KIF26B: variants seen among roughly 807,000 people sequenced by gnomAD.
The protein encoded by KIF26B is kinesin-like protein KIF26B.
KIF26B carries 63 observed loss-of-function variants against 151.2 expected under a neutral mutation model. The observed-to-expected ratio is 0.42, with a 90% CI of 0.34 to 0.51. The LOEUF (loss-of-function observed/expected upper bound fraction) is 0.51. Among genes scored for constraint, KIF26B ranks in the 20% least tolerant of loss-of-function variants. The pLI is 0.07. For synonymous variants in KIF26B, 1,357 were observed against 1,262.1 expected, an observed-to-expected ratio of 1.08 and a Z score of -1.59; for missense variants, 2,813 against 2,913.6, an observed-to-expected ratio of 0.97 and a Z score of 0.79.
chr1:245,612,604 T>C (rs2043539770), intron 9 of KIF26B, among the ~76,000 whole-genome samples: 1 of 152,188 alleles, frequency 6.6e-6, no homozygotes, highest in Non-Finnish European at 1.5e-5. Flanking sequence ...CCTGACAGTA[T>C]CTTTTTGTTC....
At chr1:245,662,226 T>C (rs1024440448) in intron 10 of KIF26B, among the ~76,000 whole-genome samples, 1 of 150,096 alleles carries the variant, frequency 6.7e-6, no homozygotes, top group Non-Finnish European at 1.5e-5. Flanking sequence ...ACACACTATA[T>C]AGATACACCC....
At chr1:245,357,477 G>A (rs753527163) in intron 2 of KIF26B, among the ~76,000 whole-genome samples, 23 of 152,180 alleles carry the variant, frequency 1.5e-4, no homozygotes, top group Admixed American at 1.4e-3. Context: ...GCGGAAGAGC[G>A]GGGCCTTAGG....
At chr1:245,452,533 G>A (rs923352880) in intron 4 of KIF26B, among the ~76,000 whole-genome samples, 7 of 152,098 alleles carry the variant, frequency 4.6e-5, no homozygotes, top group African/African-American at 9.6e-5. Context: ...TTTCCACAGC[G>A]GCTGCCCATT....
rs191482775 is a variant in KIF26B, at chr1:245,563,926, T to A, written c.1350+22976T>A. 3.9e-5 allele frequency among the ~76,000 whole-genome samples: 6 copies of A among 152,300 alleles called. No homozygotes were observed. Among genetic ancestry groups the A allele is most frequent in the Admixed American group, 2.6e-4 (4 of 15,296 alleles). ...CACTACAGGTTCCTTTTTCTCTCCC[T>A]GTCCGTGCATCCATCTGTTTCTGCA... On this transcript the variant is annotated intron_variant, in intron 5 of 14. Coordinates refer to ENST00000407071, the MANE Select transcript of KIF26B (RefSeq NM_018012.4). The surrounding 1 kb of genome is among the most constrained non-coding windows in gnomAD (Gnocchi z 4.6).
intron 10 of KIF26B, among the ~76,000 whole-genome samples, chr1:245,653,078 T>C (rs1321139550): frequency 1.3e-5 from 2 of 151,802 alleles, no homozygotes; most frequent in Non-Finnish European, 2.9e-5. Context: ...CCTAGCAGAG[T>C]AGGAAAGGGT....
intron 2 of KIF26B, among the ~76,000 whole-genome samples, chr1:245,169,098 G>T (rs998971778): frequency 6.6e-6 from 1 of 152,102 alleles, no homozygotes; most frequent in African/African-American, 2.4e-5. Context: ...CAGGCACAGA[G>T]GAGCACGAGC....
At chr1:245,506,846 A>T (rs1163033285) in intron 4 of KIF26B, among the ~76,000 whole-genome samples, 1 of 152,070 alleles carries the variant, frequency 6.6e-6, no homozygotes, top group Non-Finnish European at 1.5e-5. Context: ...ACTCGGCTAA[A>T]TTTTTTTGTA....
At chr1:245,673,344 C>T (rs61831273) in intron 10 of KIF26B, among the ~76,000 whole-genome samples, 1 of 133,220 alleles carries the variant, frequency 7.5e-6, no homozygotes, top group African/African-American at 2.9e-5. Flanking sequence ...GCCCAGTCCC[C>T]GCTGCGCGCT....
intron 2 of KIF26B, among the ~76,000 whole-genome samples, chr1:245,251,441 T>A (rs1670444014): frequency 6.6e-6 from 1 of 152,214 alleles, no homozygotes; most frequent in African/African-American, 2.4e-5. Context: ...CATCCAGCAG[T>A]AATATCTGTC....
At chr1:245,192,169 G>A (rs2103533400) in intron 2 of KIF26B, among the ~76,000 whole-genome samples, 1 of 152,310 alleles carries the variant, frequency 6.6e-6, no homozygotes, top group Non-Finnish European at 1.5e-5. Flanking sequence ...AATGGTTACA[G>A]AAATTATGAT....
chr1:245,699,356 A>C (rs1238908795), intron 14 of KIF26B, among the ~76,000 whole-genome samples: 1 of 152,132 alleles, frequency 6.6e-6, no homozygotes, highest in Non-Finnish European at 1.5e-5. Context: ...TGTATTACAA[A>C]TCTCCTAGGC....
chr1:245,620,406 AT>A (rs67445294), intron 9 of KIF26B, among the ~76,000 whole-genome samples: 34,312 of 150,526 alleles, frequency 0.23, 4,481 homozygotes, highest in East Asian at 0.45. Flanking sequence ...GTTAAAAAAA[AT>A]TTTTTTTTTT....
intron 2 of KIF26B, among the ~76,000 whole-genome samples, chr1:245,345,682 G>A (rs12068614): frequency 0.081 from 12,335 of 152,036 alleles, 816 homozygotes; most frequent in African/African-American, 0.18. Context: ...TCTCGTGATA[G>A]TGAGTGAGTT....
intron 4 of KIF26B, among the ~76,000 whole-genome samples, chr1:245,424,654 A>G (rs1316495440): frequency 6.6e-6 from 1 of 152,204 alleles, no homozygotes; most frequent in African/African-American, 2.4e-5. Flanking sequence ...CTGGTCTGTG[A>G]TAAGTATAGA....
intron 12 of KIF26B, among the ~76,000 whole-genome samples, chr1:245,695,518 C>T (rs918910518): frequency 7.9e-5 from 12 of 152,148 alleles, no homozygotes; most frequent in South Asian, 6.2e-4. Flanking sequence ...CAGAATTTTA[C>T]GAAAATCCAA....
At chr1:245,416,058 G>A (rs1674408242) in intron 3 of KIF26B, among the ~76,000 whole-genome samples, 2 of 149,718 alleles carry the variant, frequency 1.3e-5, no homozygotes, top group Non-Finnish European at 3.0e-5. Flanking sequence ...CCTGAGGTCG[G>A]GAGTTCGAGA....
At chr1:245,160,610 A>G (rs1668515706) in intron 2 of KIF26B, among the ~76,000 whole-genome samples, 1 of 152,216 alleles carries the variant, frequency 6.6e-6, no homozygotes, top group South Asian at 2.1e-4. Context: ...AAAGGTTATC[A>G]GACATCTGTT....
chr1:245,158,143 A>G (rs182848608), intron 2 of KIF26B, among the ~76,000 whole-genome samples: 2 of 152,340 alleles, frequency 1.3e-5, no homozygotes, highest in East Asian at 1.9e-4. Context: ...AAGATCTAGT[A>G]GCTGATATTT....
chr1:245,482,452 A>T (rs1231226539), intron 4 of KIF26B, among the ~76,000 whole-genome samples: 1 of 151,928 alleles, frequency 6.6e-6, no homozygotes, highest in South Asian at 2.1e-4. Flanking sequence ...TTAGAACTAG[A>T]CGAGTATTCA....
Sources: allele counts gnomAD v4.1 joint callset (sites outside exome capture counted in the v4.1 genomes callset), GRCh38; gene constraint gnomAD v4.1.1; non-coding constraint Gnocchi (gnomAD v3.1); transcripts MANE v1.5; gene names NCBI Gene and HGNC (gene_info 2026-07-23, HGNC 2026-07-21).